Variants in IBTK observed in about 807,000 individuals in gnomAD.
The protein encoded by IBTK is inhibitor of Bruton tyrosine kinase.
IBTK carries 83 observed loss-of-function variants against 154.9 expected under a neutral mutation model. The observed-to-expected ratio is 0.54, with a 90% CI of 0.45 to 0.64. The LOEUF (loss-of-function observed/expected upper bound fraction) is 0.64. Ranked by LOEUF, IBTK falls within the 30% of genes least tolerant of loss-of-function variation. The probability of loss-of-function intolerance (pLI) is 0.00; values close to 1 mark genes in which losing one functional copy is unlikely to be tolerated. For missense variants in IBTK, 1,332 were observed against 1,584.6 expected, an observed-to-expected ratio of 0.84 and a Z score of 2.71; for synonymous variants, 515 against 536.1, an observed-to-expected ratio of 0.96 and a Z score of 0.54.
In IBTK at chr6:82,240,157, G is replaced by A. The variant is rs1770885100; in HGVS notation, c.321+9C>T. 3.1e-6 allele frequency: 5 copies of A among 1,593,214 alleles called. No individual in the cohort carries two copies. The highest frequency in any genetic ancestry group is 1.7e-4 in the Middle Eastern group (1 of 5,968). ...CTAAATACGTTTAAAATAAACAAAT[G>A]ACAATTACCTTCAATAGAGACCAAA... On this transcript the variant is annotated intron_variant, in intron 2 of 28. Transcript: ENST00000306270.
At chr6:82,172,106 T>C (rs1767942750) in intron 28 of IBTK, among the ~76,000 whole-genome samples, 1 of 152,182 alleles carries the variant, frequency 6.6e-6, no homozygotes, top group South Asian at 2.1e-4. Context: ...CCAAATTCTC[T>C]ACTGGTCATT....
intron 18 of IBTK, 34 bp downstream of exon 18, chr6:82,202,494 T>C (rs1461874507): frequency 9.0e-7 from 1 of 1,111,698 alleles, no homozygotes; most frequent in Non-Finnish European, 1.4e-6. Context: ...TATCTCCTTT[T>C]GCAACAATCT....
intron 25 of IBTK, among the ~76,000 whole-genome samples, chr6:82,188,098 T>G (rs1768621296): frequency 1.3e-5 from 2 of 152,116 alleles, no homozygotes; most frequent in African/African-American, 4.8e-5. Flanking sequence ...AACCAACATA[T>G]GGGGAGATTC....
intron 23 of IBTK, among the ~76,000 whole-genome samples, chr6:82,192,369 GAA>G (rs1347937343): frequency 6.6e-6 from 1 of 151,998 alleles, no homozygotes; most frequent in Non-Finnish European, 1.5e-5. Context: ...ACATTTAATA[GAA>G]AAACTTGGGG....
intron 4 of IBTK, among the ~76,000 whole-genome samples, chr6:82,230,225 A>C (rs968239901): frequency 5.3e-5 from 8 of 152,212 alleles, no homozygotes; most frequent in African/African-American, 1.9e-4. Context: ...CCAGTACTAT[A>C]GTGATAAAAA....
At chr6:82,194,327 T>G (rs928986087) in intron 23 of IBTK, 152 bp downstream of exon 23, 10 of 607,624 alleles carry the variant, frequency 1.6e-5, no homozygotes, top group Admixed American at 7.7e-5. Context: ...CTATTATAGC[T>G]GGTTAGCAAT....
chr6:82,212,114 C>A (rs1174428944), intron 13 of IBTK, among the ~76,000 whole-genome samples: 2 of 152,036 alleles, frequency 1.3e-5, no homozygotes, highest in East Asian at 3.9e-4. Flanking sequence ...CCTGCCTCAG[C>A]CTCCCAAGTG....
Position 82,222,010 on chromosome 6 carries a change from C to CA in IBTK, c.1125-1298dup, listed in dbSNP as rs1028702689. On this transcript the variant is annotated intron_variant, in intron 8 of 28. Transcript: ENST00000306270. ...AGAAACCCCATCTCTACTAAAAATA[C>CA]AAAAAAAATTAGCTGGGCATGATGG... is the stretch of plus-strand genomic sequence containing the variant. 6.6e-5 allele frequency among the ~76,000 whole-genome samples: 10 copies of CA among 151,436 alleles called. No homozygotes were observed. In the East Asian group the frequency reaches 7.8e-4, roughly 12 times the overall value.
At position 82,223,184 on chromosome 6, in the gene IBTK, AT is replaced by A. The variant is rs145205400; in HGVS notation, c.1124+255del. ...ACCTAAAATACAAAAAAAGAAAAAAATATATAGCTCATATTTAACTACATAT... is the reference window on the plus strand; with the variant it reads ...ACCTAAAATACAAAAAAAGAAAAAAAATATAGCTCATATTTAACTACATAT... On this transcript the variant is annotated intron_variant, in intron 8 of 28. Transcript: ENST00000306270. 2.9e-3 allele frequency among the ~76,000 whole-genome samples: 435 copies of A among 152,266 alleles called. 6 individuals are homozygous for A. Among genetic ancestry groups the A allele is most frequent in the African/African-American group, 1.0e-2 (414 of 41,570 alleles).
At chr6:82,208,781 A>C (rs776371296) in intron 16 of IBTK, among the ~76,000 whole-genome samples, 1 of 152,178 alleles carries the variant, frequency 6.6e-6, no homozygotes, top group Non-Finnish European at 1.5e-5. Context: ...TTTAAACGAC[A>C]CTTCATCAAG....
intron 23 of IBTK, among the ~76,000 whole-genome samples, chr6:82,192,106 C>G (rs1768790921): frequency 6.6e-6 from 1 of 151,928 alleles, no homozygotes; most frequent in Admixed American, 6.6e-5. Flanking sequence ...TGATATAGCA[C>G]ATATACAAAT....
chr6:82,243,857 T>C (rs759289538), intron 1 of IBTK, among the ~76,000 whole-genome samples: 18 of 152,160 alleles, frequency 1.2e-4, no homozygotes, highest in Non-Finnish European at 2.1e-4. Context: ...CAGAAAAGAA[T>C]TCCCTAATTC....
rs532261089 is a variant in IBTK, at chr6:82,245,195, G to A, written c.-358+2367C>T. On this transcript the variant is annotated intron_variant, in intron 1 of 28. Coordinates refer to ENST00000306270, the MANE Select transcript of IBTK (RefSeq NM_015525.4). ...GATAAAACAAGTGACACATAGGAAC[G>A]GGGAGTGCAGAAGAGGGGTCCAGGT... is the stretch of plus-strand genomic sequence containing the variant. Among the ~76,000 whole-genome samples, 18 of 152,244 alleles carry A rather than the reference G, an allele frequency of 1.2e-4. No homozygotes were observed. The East Asian group carries it at 2.1e-3, about 18-fold the overall frequency.
chr6:82,221,086 G>A (rs1313612193), intron 8 of IBTK, among the ~76,000 whole-genome samples: 1 of 152,130 alleles, frequency 6.6e-6, no homozygotes, highest in Non-Finnish European at 1.5e-5. Flanking sequence ...CAGCACTTTG[G>A]GAGGCCAAGG....
chr6:82,201,291 A>G (rs1769200444), intron 19 of IBTK, 131 bp downstream of exon 19: 1 of 496,324 alleles, frequency 2.0e-6, no homozygotes, highest in Non-Finnish European at 3.5e-6. Flanking sequence ...AAGGAATCCT[A>G]TATCATCAGT....
intron 23 of IBTK, 52 bp from the exon 24 acceptor site, chr6:82,191,931 C>G (rs1209402802): frequency 2.1e-6 from 2 of 932,586 alleles, no homozygotes; most frequent in Non-Finnish European, 3.3e-6. Context: ...CTATAAAGCC[C>G]AACCCCCAAC....
chr6:82,232,470 A>T (rs772496187), intron 3 of IBTK, among the ~76,000 whole-genome samples: 3 of 152,242 alleles, frequency 2.0e-5, no homozygotes, highest in Non-Finnish European at 4.4e-5. Context: ...AGCTAAGTTC[A>T]TGATATAAAT....
chr6:82,232,510 G>C (rs2127825272), intron 3 of IBTK, among the ~76,000 whole-genome samples: 1 of 152,326 alleles, frequency 6.6e-6, no homozygotes, highest in African/African-American at 2.4e-5. Flanking sequence ...GATGAATAAA[G>C]TCTTAGAATG....
At chr6:82,190,985 TG>T in intron 25 of IBTK, 87 bp downstream of exon 25, 1 of 921,734 alleles carries the variant, frequency 1.1e-6, no homozygotes, top group Non-Finnish European at 1.5e-6. Flanking sequence ...TTAGAAACAC[TG>T]GAAGTGGGAA....
Sources: gnomAD v4.1 joint callset for allele counts (sites outside exome capture counted in the v4.1 genomes callset) on GRCh38, gnomAD v4.1.1 for gene constraint, MANE v1.5 for transcripts, NCBI Gene and HGNC (gene_info 2026-07-23, HGNC 2026-07-21) for gene names.